The following SH3D21 variants were observed in gnomAD, a reference collection of about 807,000 sequenced individuals.
SH3D21 encodes the protein SH3 domain-containing protein 21.
In SH3D21, 83 loss-of-function variants were observed where a neutral mutation model predicts 82.1. The observed-to-expected ratio is 1.01, with a 90% CI of 0.85 to 1.21. SH3D21 has a LOEUF of 1.21. SH3D21 is among the 50% of genes most tolerant of loss of function. SH3D21 has a pLI of 0.00. For synonymous variants in SH3D21, 383 were observed against 387.8 expected (o/e 0.99, Z 0.15); for missense variants, 980 against 962.1 (o/e 1.02, Z -0.25).
downstream of SH3D21, chr1:36,328,205 C>A (rs1646563473): frequency 2.2e-6 from 1 of 449,340 alleles, no homozygotes; most frequent in African/African-American, 2.0e-5. Context: ...GCCGAGAGAT[C>A]CAGAGCCTAT....
chr1:36,322,380 G>T, downstream of SH3D21: 13 of 1,594,060 alleles, frequency 8.2e-6, no homozygotes, highest in Non-Finnish European at 1.1e-5. Flanking sequence ...CGGCTGCCCG[G>T]TGCGCCAGAT....
At chr1:36,309,322 G>C (rs1237444621) in intron 9 of SH3D21, among the ~76,000 whole-genome samples, 1 of 151,872 alleles carries the variant, frequency 6.6e-6, no homozygotes, top group East Asian at 1.9e-4. Flanking sequence ...TCAGCCTCCA[G>C]AGTAGCTGGG....
At chr1:36,322,505 CG>C, downstream of SH3D21, 5 of 1,602,158 alleles carry the variant, frequency 3.1e-6, no homozygotes, top group Non-Finnish European at 2.5e-6. Context: ...GCTCGGGGCC[CG>C]GCAGCGTGTC....
At chr1:36,322,562 G>C, downstream of SH3D21, 2 of 1,592,172 alleles carry the variant, frequency 1.3e-6, no homozygotes, top group Non-Finnish European at 1.7e-6. Flanking sequence ...CCTCGTCGTC[G>C]TCCTCGGGCT....
intron 10 of SH3D21, among the ~76,000 whole-genome samples, chr1:36,317,880 G>A (rs1480796900): frequency 6.6e-6 from 1 of 152,118 alleles, no homozygotes; most frequent in Non-Finnish European, 1.5e-5. Flanking sequence ...GCCTAGTCTT[G>A]TCAGTCACGC....
At position 36,306,639 on chromosome 1, in the gene SH3D21, G is replaced by A; in HGVS notation, c.46G>A (p.Glu16Lys). 7.7e-7 allele frequency: 1 copy of A among 1,302,100 alleles called. No individual in the cohort carries two copies. The highest frequency in any genetic ancestry group is 1.0e-6 in the Non-Finnish European group (1 of 988,670). 80.7% of individuals were successfully genotyped at this position (1,302,100 alleles called of 1,614,324 possible). Residue 16 changes from glutamate (E) to lysine (K), a missense_variant, in exon 2 of 16, where the codon GAG becomes AAG. Glu to Lys is a moderately conservative substitution (Grantham distance 56, BLOSUM62 1). Coordinates refer to ENST00000453908, the MANE Select transcript of SH3D21 (RefSeq NM_001162530.2). The surrounding 1 kb of genome is among the most constrained non-coding windows in gnomAD (Gnocchi z 4.5). ...LAGYRAQKEDELSLAPGDVVR... is the reference protein window; with the variant it reads ...LAGYRAQKEDKLSLAPGDVVR... ...CGGATACCGCGCGCAGAAGGAGGACGAGCTGAGTCTGGCGCCCGGGGACGT... is the reference window on the plus strand; with the variant it reads ...CGGATACCGCGCGCAGAAGGAGGACAAGCTGAGTCTGGCGCCCGGGGACGT...
intron 10 of SH3D21, among the ~76,000 whole-genome samples, chr1:36,313,141 G>A (rs898244755): frequency 2.6e-5 from 4 of 151,878 alleles, no homozygotes; most frequent in East Asian, 3.9e-4. Context: ...TGGCTAACAC[G>A]GTGAAACCCC....
At chr1:36,329,940 C>A (rs1347495056), downstream of SH3D21, among the ~76,000 whole-genome samples, 1 of 152,112 alleles carries the variant, frequency 6.6e-6, no homozygotes, top group East Asian at 1.9e-4. Context: ...GCACAGCTCC[C>A]CCAGGGCTAA....
At chr1:36,321,679 G>T, downstream of SH3D21, 1 of 1,017,130 alleles carries the variant, frequency 9.8e-7, no homozygotes, top group Non-Finnish European at 1.2e-6. The surrounding 1 kb of genome is among the most constrained non-coding windows in gnomAD (Gnocchi z 6.1). Context: ...CAGCACCTTA[G>T]CCTCGAGGTC....
At chr1:36,320,844 G>T (rs1313098766) in intron 14 of SH3D21, 46 bp downstream of exon 14, 4 of 1,550,112 alleles carry the variant, frequency 2.6e-6, no homozygotes, top group Non-Finnish European at 3.5e-6. Context: ...GTTCCCCCTA[G>T]CCCTCACCTG....
At chr1:36,328,005 C>T (rs944562961), downstream of SH3D21, 1 of 578,954 alleles carries the variant, frequency 1.7e-6, no homozygotes, top group African/African-American at 1.9e-5. Flanking sequence ...TCCACCTGCC[C>T]ATCTCCTCCC....
In SH3D21 at chr1:36,307,698, GA is replaced by G. The variant is rs1646156943; in HGVS notation, c.437-71del. 2 of 1,536,948 alleles carry G rather than the reference GA, an allele frequency of 1.3e-6. No individual in the cohort carries two copies. The highest frequency in any genetic ancestry group is 4.9e-5 in the East Asian group (2 of 40,674). On this transcript the variant is annotated intron_variant, in intron 5 of 15. Coordinates refer to ENST00000453908, the MANE Select transcript of SH3D21 (RefSeq NM_001162530.2). The surrounding 1 kb of genome is among the most constrained non-coding windows in gnomAD (Gnocchi z 5.4). ...TGTGATTCACATATCCTGACCCTGT[GA>G]CCCCTCTGACCCTCTCCCATGACCT...
intron 10 of SH3D21, among the ~76,000 whole-genome samples, chr1:36,318,107 C>A (rs776817503): frequency 3.3e-4 from 51 of 152,256 alleles, no homozygotes; most frequent in Non-Finnish European, 5.1e-4. Flanking sequence ...AAGTGATTGA[C>A]TTCAGGAAAT....
In SH3D21 at chr1:36,320,370, G is replaced by A; in HGVS notation, c.1707G>A (p.Gly569=). 6.2e-7 allele frequency: 1 copy of A among 1,613,470 alleles called. No individual in the cohort carries two copies. The highest frequency in any genetic ancestry group is 8.5e-7 in the Non-Finnish European group (1 of 1,179,990). Residue 569 remains glycine, a synonymous_variant, in exon 14 of 16, where the codon GGG becomes GGA. Coordinates refer to ENST00000453908, the MANE Select transcript of SH3D21 (RefSeq NM_001162530.2). The part of the protein sequence containing the change: ...SSPRQAELKS[G]PASRPALEKP... The stretch of plus-strand genomic sequence containing the variant: ...CACGCCAGGCTGAGTTGAAGTCTGG[G>A]CCAGCATCCAGGCCTGCCCTTGAGA...
At chr1:36,328,197 C>T (rs761301400), downstream of SH3D21, 10 of 451,658 alleles carry the variant, frequency 2.2e-5, no homozygotes, top group African/African-American at 1.0e-4. Flanking sequence ...GTTGGGGGGC[C>T]GAGAGATCCA....
chr1:36,313,140 C>T (rs1250420755), intron 10 of SH3D21, among the ~76,000 whole-genome samples: 5 of 151,852 alleles, frequency 3.3e-5, no homozygotes, highest in Admixed American at 6.6e-5. Context: ...TTGGCTAACA[C>T]GGTGAAACCC....
intron 10 of SH3D21, among the ~76,000 whole-genome samples, chr1:36,315,768 C>T (rs1024330147): frequency 1.3e-5 from 2 of 152,220 alleles, no homozygotes; most frequent in African/African-American, 2.4e-5. Context: ...ATTGCTGTCA[C>T]GCTGTTCATT....
downstream of SH3D21, chr1:36,323,312 G>A: frequency 4.7e-6 from 2 of 427,542 alleles, no homozygotes; most frequent in Non-Finnish European, 8.3e-6. Flanking sequence ...GTCCCCAGCT[G>A]AGGCCCGGTT....
At position 36,320,459 on chromosome 1, in the gene SH3D21, C is replaced by T. The variant is rs780898546; in HGVS notation, c.1796C>T (p.Thr599Ile). 7.4e-6 allele frequency: 12 copies of T among 1,613,504 alleles called. No homozygotes were observed. The highest frequency in any genetic ancestry group is 1.0e-5 in the Non-Finnish European group (12 of 1,179,878). ...PEEAPSNDER[T>I]PEEEAPPNEQ... is the part of the protein sequence containing the mutation. ...GAGGCACCTTCCAATGACGAGAGGA[C>T]CCCTGAAGAGGAGGCGCCCCCCAAC... The change falls in exon 14 of 16, where the codon ACC (threonine) becomes ATC (isoleucine). Residue 599 changes from threonine to isoleucine, a missense_variant. Coordinates refer to ENST00000453908, the MANE Select transcript of SH3D21 (RefSeq NM_001162530.2).
Sources: allele counts gnomAD v4.1 joint callset (sites outside exome capture counted in the v4.1 genomes callset), GRCh38; gene constraint gnomAD v4.1.1; non-coding constraint Gnocchi (gnomAD v3.1); transcripts MANE v1.5; gene names NCBI Gene and HGNC (gene_info 2026-07-23, HGNC 2026-07-21).